PTPRE: variants seen among roughly 807,000 people sequenced by gnomAD.
PTPRE encodes receptor-type tyrosine-protein phosphatase epsilon.
PTPRE carries 51 observed loss-of-function variants against 102.0 expected under a neutral mutation model. That is an observed-to-expected ratio of 0.50 (90% CI 0.40 to 0.63). The LOEUF (loss-of-function observed/expected upper bound fraction) is 0.63, where lower values mean the gene tolerates loss of function less well. Among genes scored for constraint, PTPRE ranks in the 30% least tolerant of loss-of-function variants. PTPRE has a pLI of 0.00. For synonymous variants in PTPRE, 345 were observed against 348.2 expected (o/e 0.99, Z 0.10); for missense variants, 752 against 915.1 (o/e 0.82, Z 2.30).
intron 7 of PTPRE, among the ~76,000 whole-genome samples, chr10:128,059,814 C>T (rs1184017125): frequency 2.0e-5 from 3 of 152,136 alleles, no homozygotes; most frequent in Admixed American, 2.0e-4. Context: ...TTTTCACTGG[C>T]GACCAACCCA....
At chr10:127,975,071 G>A (rs1851045465) in intron 1 of PTPRE, among the ~76,000 whole-genome samples, 1 of 152,208 alleles carries the variant, frequency 6.6e-6, no homozygotes, top group African/African-American at 2.4e-5. Context: ...AGATGTCAAG[G>A]AGAGAGTAGG....
chr10:128,026,497 C>T (rs1299104328), intron 2 of PTPRE, among the ~76,000 whole-genome samples: 2 of 152,230 alleles, frequency 1.3e-5, no homozygotes, highest in African/African-American at 2.4e-5. Context: ...GTCCCCTGCC[C>T]AGACCCCTGG....
intron 1 of PTPRE, among the ~76,000 whole-genome samples, chr10:127,931,770 T>C (rs1385056623): frequency 6.6e-6 from 1 of 152,242 alleles, no homozygotes; most frequent in African/African-American, 2.4e-5. Flanking sequence ...AAAATCTGAT[T>C]GTGTATTTTA....
At chr10:128,012,569 G>A (rs546579709) in intron 2 of PTPRE, among the ~76,000 whole-genome samples, 1 of 152,296 alleles carries the variant, frequency 6.6e-6, no homozygotes, top group East Asian at 1.9e-4. Context: ...TTGAACGCCT[G>A]GGTTTCTGCT....
At chr10:127,908,540 A>G (rs377577916) in intron 1 of PTPRE, among the ~76,000 whole-genome samples, 2 of 152,162 alleles carry the variant, frequency 1.3e-5, no homozygotes, top group East Asian at 3.9e-4. Context: ...GCGTCTGACC[A>G]CCACGGTCAC....
At chr10:127,968,789 C>T (rs1175905706) in intron 1 of PTPRE, among the ~76,000 whole-genome samples, 2 of 152,228 alleles carry the variant, frequency 1.3e-5, no homozygotes, top group Non-Finnish European at 2.9e-5. Context: ...TGTGGCAGCA[C>T]TTTGCATGAG....
chr10:128,040,523 C>A (rs1847594281), intron 2 of PTPRE, among the ~76,000 whole-genome samples: 1 of 151,912 alleles, frequency 6.6e-6, no homozygotes. Context: ...GTCCAGGATG[C>A]CAGGCTAGGT....
intron 2 of PTPRE, among the ~76,000 whole-genome samples, chr10:128,027,957 G>T (rs1846403818): frequency 1.3e-5 from 2 of 152,128 alleles, no homozygotes; most frequent in African/African-American, 4.8e-5. Flanking sequence ...AAGCTGAGAG[G>T]CACAGTGAGG....
chr10:128,069,559 A>C (rs1850577673), intron 12 of PTPRE, 133 bp from the exon 13 acceptor site: 2 of 1,244,326 alleles, frequency 1.6e-6, no homozygotes, highest in African/African-American at 3.0e-5. Context: ...GCTGCACTGT[A>C]GCTTTGCTCC....
chr10:128,064,678 T>C (rs1233707940), intron 10 of PTPRE, among the ~76,000 whole-genome samples: 3 of 152,238 alleles, frequency 2.0e-5, no homozygotes, highest in South Asian at 4.1e-4. Context: ...GCATTTTCTC[T>C]CCATCTTCCC....
intron 12 of PTPRE, 98 bp from the exon 13 acceptor site, chr10:128,069,594 T>TG: frequency 3.3e-6 from 5 of 1,504,166 alleles, no homozygotes; most frequent in Non-Finnish European, 3.6e-6. Context: ...AACAAAAAGT[T>TG]GCATCCAGTG....
chr10:127,991,275 C>T (rs1487631954), intron 2 of PTPRE, among the ~76,000 whole-genome samples: 3 of 152,192 alleles, frequency 2.0e-5, no homozygotes, highest in Non-Finnish European at 2.9e-5. Flanking sequence ...AAGCCAACAC[C>T]GACATTCTGT....
intron 1 of PTPRE, among the ~76,000 whole-genome samples, chr10:127,954,410 A>AAT (rs1278512064): frequency 6.6e-6 from 1 of 152,198 alleles, no homozygotes; most frequent in Non-Finnish European, 1.5e-5. Context: ...TCCTTACTGG[A>AAT]ATAGACACTC....
intron 2 of PTPRE, among the ~76,000 whole-genome samples, chr10:128,020,996 C>T (rs995207066): frequency 6.6e-6 from 1 of 151,826 alleles, no homozygotes; most frequent in African/African-American, 2.4e-5. Context: ...CTCCCAGGTT[C>T]ACGCCATTCT....
At chr10:127,970,629 A>G (rs1201010909) in intron 1 of PTPRE, among the ~76,000 whole-genome samples, 1 of 151,986 alleles carries the variant, frequency 6.6e-6, no homozygotes, top group Non-Finnish European at 1.5e-5. Flanking sequence ...AATGATGCCT[A>G]CGAACCTCCT....
At chr10:127,976,015 A>G (rs1471216923) in intron 1 of PTPRE, among the ~76,000 whole-genome samples, 3 of 152,092 alleles carry the variant, frequency 2.0e-5, no homozygotes, top group Non-Finnish European at 2.9e-5. Flanking sequence ...GGAGTCTGGC[A>G]TGAAGTTCCT....
chr10:127,943,650 G>A (rs1307172231), intron 1 of PTPRE, among the ~76,000 whole-genome samples: 1 of 152,234 alleles, frequency 6.6e-6, no homozygotes, highest in African/African-American at 2.4e-5. Flanking sequence ...CAGGGCAGCT[G>A]AGGTGACTCT....
intron 1 of PTPRE, among the ~76,000 whole-genome samples, chr10:127,932,919 G>A (rs1325991042): frequency 6.6e-6 from 1 of 152,226 alleles, no homozygotes; most frequent in Non-Finnish European, 1.5e-5. Context: ...CAGGCTGTGG[G>A]CTGGGGGAGG....
intron 2 of PTPRE, among the ~76,000 whole-genome samples, chr10:128,004,858 C>A (rs1249161314): frequency 6.6e-6 from 1 of 152,186 alleles, no homozygotes; most frequent in Non-Finnish European, 1.5e-5. Context: ...CCAGCAATGT[C>A]TGGGGGTTCT....
Sources: gnomAD v4.1 joint callset for allele counts (sites outside exome capture counted in the v4.1 genomes callset) on GRCh38, gnomAD v4.1.1 for gene constraint, MANE v1.5 for transcripts, NCBI Gene and HGNC (gene_info 2026-07-23, HGNC 2026-07-21) for gene names.